PHACTR3: variants seen among roughly 807,000 people sequenced by gnomAD.
PHACTR3 encodes protein phosphatase 1, regulatory subunit 123.
Under a neutral mutation model 66.8 loss-of-function variants are expected in PHACTR3, and 16 were observed. That is an observed-to-expected ratio of 0.24 (90% CI 0.16 to 0.36). The LOEUF (loss-of-function observed/expected upper bound fraction) is 0.36, where lower values mean the gene tolerates loss of function less well. Ranked by LOEUF, PHACTR3 falls within the 10% of genes least tolerant of loss-of-function variation. The pLI, the probability that PHACTR3 is intolerant of heterozygous loss-of-function variation, is 1.00. For missense variants in PHACTR3, 647 were observed against 719.9 expected (o/e 0.90, Z 1.16); for synonymous variants, 323 against 292.1 (o/e 1.11, Z -1.08).
intron 1 of PHACTR3, among the ~76,000 whole-genome samples, chr20:59,664,094 A>G (rs2035908409): frequency 6.6e-6 from 1 of 152,164 alleles, no homozygotes. Flanking sequence ...GTTCTTACTT[A>G]TTAAGGATAG....
intron 4 of PHACTR3, among the ~76,000 whole-genome samples, chr20:59,766,495 A>G (rs117888064): frequency 0.022 from 3,402 of 152,256 alleles, 57 homozygotes; most frequent in Non-Finnish European, 0.035. Context: ...AAGGATTGAT[A>G]GGTTGAGGGA....
At chr20:59,662,479 C>A (rs1488873944) in intron 1 of PHACTR3, among the ~76,000 whole-genome samples, 5 of 152,004 alleles carry the variant, frequency 3.3e-5, no homozygotes. Flanking sequence ...TATGGACCAA[C>A]GAAAGGCCCA....
chr20:59,847,059 T>C, intron 12 of PHACTR3, 56 bp from the exon 13 acceptor site: 1 of 1,306,932 alleles, frequency 7.7e-7, no homozygotes, highest in Non-Finnish European at 1.1e-6. Context: ...TTTTTGGCTA[T>C]TTTAACTGCT....
intron 1 of PHACTR3, among the ~76,000 whole-genome samples, chr20:59,660,798 T>C (rs1351843043): frequency 6.6e-6 from 1 of 152,248 alleles, no homozygotes; most frequent in Non-Finnish European, 1.5e-5. Flanking sequence ...TGAGTTGTTT[T>C]ATGAAACATT....
rs143554549 is a variant in PHACTR3, at chr20:59,703,690, GGTGTGT to G, written c.119-39409_119-39404del. Among the ~76,000 whole-genome samples, 4 of 147,880 alleles carry G rather than the reference GGTGTGT, an allele frequency of 2.7e-5. 1 individual carries two copies. In the South Asian group the frequency reaches 8.4e-4, roughly 31 times the overall value. On this transcript the variant is annotated intron_variant, in intron 1 of 12. Transcript: ENST00000371015. ...TTAATATTTTGGTGTATTTCCTTGG[GGTGTGT>G]GTGTGTGAGTGTGTGTGTGTGTAAT...
At chr20:59,819,983 T>C (rs1055427549) in intron 8 of PHACTR3, among the ~76,000 whole-genome samples, 14 of 152,250 alleles carry the variant, frequency 9.2e-5, no homozygotes, top group African/African-American at 3.4e-4. Context: ...CTTCCTTTTT[T>C]TGATGCTGCA....
At chr20:59,796,577 G>C (rs888894835) in intron 7 of PHACTR3, among the ~76,000 whole-genome samples, 12 of 152,076 alleles carry the variant, frequency 7.9e-5, no homozygotes, top group Admixed American at 4.6e-4. Context: ...ATTCTTGCCT[G>C]GGAAAGATTG....
chr20:59,773,161 G>C (rs906775513), intron 5 of PHACTR3, 118 bp from the exon 6 acceptor site: 2 of 1,194,896 alleles, frequency 1.7e-6, no homozygotes, highest in Non-Finnish European at 1.2e-6. Flanking sequence ...GCATTAGTTG[G>C]GGCCCCTCCT....
intron 1 of PHACTR3, among the ~76,000 whole-genome samples, chr20:59,720,938 CACCGTGGATTTCTGTACTGGGTGTCAGGG>C (rs1359365619): frequency 8.6e-5 from 11 of 127,634 alleles, no homozygotes; most frequent in African/African-American, 4.6e-4. Context: ...GGGTGTCAGG[CACCGTGGATTTCTGTACTGGGTGTCAGGG>C]ACCGTGGTAC....
chr20:59,831,016 C>T (rs1290174388), intron 8 of PHACTR3, among the ~76,000 whole-genome samples: 1 of 152,130 alleles, frequency 6.6e-6, no homozygotes, highest in Non-Finnish European at 1.5e-5. Flanking sequence ...CCTCTAGGCC[C>T]CTTCCTCCCC....
intron 8 of PHACTR3, among the ~76,000 whole-genome samples, chr20:59,806,488 G>T (rs2041574768): frequency 6.6e-6 from 1 of 152,220 alleles, no homozygotes; most frequent in African/African-American, 2.4e-5. Flanking sequence ...AGGGTGAATT[G>T]CTCCACTGGC....
intron 1 of PHACTR3, among the ~76,000 whole-genome samples, chr20:59,581,491 A>G (rs530861770): frequency 2.2e-4 from 33 of 152,224 alleles, no homozygotes; most frequent in African/African-American, 7.7e-4. Flanking sequence ...CTGTCACCCC[A>G]TTACTTTAAG....
At chr20:59,664,683 G>A (rs1272647591) in intron 1 of PHACTR3, among the ~76,000 whole-genome samples, 1 of 152,218 alleles carries the variant, frequency 6.6e-6, no homozygotes, top group African/African-American at 2.4e-5. Flanking sequence ...CTTGGCAAAG[G>A]CCAAAGGGCT....
intron 3 of PHACTR3, among the ~76,000 whole-genome samples, chr20:59,749,973 AAC>A (rs1324012528): frequency 1.3e-5 from 2 of 152,258 alleles, no homozygotes; most frequent in East Asian, 3.9e-4. Flanking sequence ...AGTGGCCTGA[AAC>A]ACAGTCTCTT....
chr20:59,838,326 T>C (rs2059000083), intron 9 of PHACTR3, among the ~76,000 whole-genome samples: 1 of 152,204 alleles, frequency 6.6e-6, no homozygotes, highest in Non-Finnish European at 1.5e-5. Context: ...GCACTCATAC[T>C]GTATTGTATT....
intron 8 of PHACTR3, among the ~76,000 whole-genome samples, chr20:59,809,177 T>C (rs1477481513): frequency 6.6e-6 from 1 of 152,146 alleles, no homozygotes; most frequent in Non-Finnish European, 1.5e-5. Context: ...CTTGAGTGTT[T>C]TCACGGTGGA....
chr20:59,602,777 G>A (rs992409492), upstream of PHACTR3, among the ~76,000 whole-genome samples: 6 of 152,218 alleles, frequency 3.9e-5, no homozygotes, highest in Non-Finnish European at 7.3e-5. Flanking sequence ...CCAAGGCATG[G>A]TTGGGGGCAA....
At chr20:59,754,867 G>A (rs1170525218) in intron 3 of PHACTR3, among the ~76,000 whole-genome samples, 18 of 152,246 alleles carry the variant, frequency 1.2e-4, no homozygotes. Flanking sequence ...TCAGAGTGGG[G>A]CTACTGCAAA....
intron 1 of PHACTR3, among the ~76,000 whole-genome samples, chr20:59,726,414 C>T (rs909637667): frequency 6.6e-6 from 1 of 152,148 alleles, no homozygotes; most frequent in Non-Finnish European, 1.5e-5. Context: ...ATCACTGCAC[C>T]ACTTATTCCC....
Sources: allele counts gnomAD v4.1 joint callset (sites outside exome capture counted in the v4.1 genomes callset), GRCh38; gene constraint gnomAD v4.1.1; transcripts MANE v1.5; gene names NCBI Gene and HGNC (gene_info 2026-07-23, HGNC 2026-07-21).